The following ESR1 variants were observed in gnomAD, a reference collection of about 807,000 sequenced individuals.
ESR1 encodes the protein estrogen receptor 1.
ESR1 carries 12 observed loss-of-function variants against 52.7 expected under a neutral mutation model. The ratio of observed to expected loss-of-function variants is 0.23; its 90% CI spans 0.15 to 0.37. The LOEUF (loss-of-function observed/expected upper bound fraction) is 0.37. Among genes scored for constraint, ESR1 ranks in the 10% least tolerant of loss-of-function variants. The pLI is 1.00. For synonymous variants in ESR1, 305 were observed against 316.8 expected (o/e 0.96, Z 0.39); for missense variants, 584 against 779.7 (o/e 0.75, Z 2.99).
chr6:151,999,354 C>T (rs1256386493), intron 4 of ESR1, among the ~76,000 whole-genome samples: 1 of 152,018 alleles, frequency 6.6e-6, no homozygotes, highest in African/African-American at 2.4e-5. Flanking sequence ...ATATTAATGA[C>T]TTCCTTTAAT....
At chr6:152,105,426 AT>A (rs10717810), downstream of ESR1, among the ~76,000 whole-genome samples, 59,509 of 138,038 alleles carry the variant, frequency 0.43, 12,102 homozygotes, top group African/African-American at 0.49. Flanking sequence ...TCCTCTGTTA[AT>A]TTTTTTTTTT....
At chr6:151,691,868 G>T (rs1778974494) in intron 1 of ESR1, among the ~76,000 whole-genome samples, 1 of 152,130 alleles carries the variant, frequency 6.6e-6, no homozygotes, top group Non-Finnish European at 1.5e-5. Context: ...CTTTGATTTT[G>T]TTAATATCCT....
At position 151,971,625 on chromosome 6, in the gene ESR1, A is replaced by G. The variant is rs9340926; in HGVS notation, c.1096+27117A>G. ...TGAGCTGAATGATAATAGCGATACA[A>G]CTTACCAAAACCTCTGGGATACAGC... On this transcript the variant is annotated intron_variant, in intron 4 of 7. Transcript: ENST00000206249. 6.6e-5 allele frequency among the ~76,000 whole-genome samples: 10 copies of G among 152,308 alleles called. No homozygotes were observed. In the East Asian group the frequency reaches 1.9e-3, roughly 29 times the overall value.
intron 2 of ESR1, among the ~76,000 whole-genome samples, chr6:151,793,103 G>A (rs868302289): frequency 1.3e-5 from 2 of 151,808 alleles, no homozygotes; most frequent in South Asian, 2.1e-4. Context: ...CCCAGGAGGC[G>A]GAGCTTGCAG....
At chr6:151,673,754 C>A (rs138640158) in intron 1 of ESR1, among the ~76,000 whole-genome samples, 55 of 152,100 alleles carry the variant, frequency 3.6e-4, no homozygotes, top group African/African-American at 1.3e-3. Context: ...TGGTAGCGTG[C>A]AAATGTATTG....
chr6:151,754,976 CT>C (rs2128085086), intron 2 of ESR1, among the ~76,000 whole-genome samples: 1 of 152,290 alleles, frequency 6.6e-6, no homozygotes, highest in South Asian at 2.1e-4. Context: ...CTTTAGGAGG[CT>C]GAGGTGGGCA....
In ESR1 at chr6:152,082,452, G is replaced by A. The variant is rs1562766238; in HGVS notation, c.1370-11933G>A. On this transcript the variant is annotated intron_variant, in intron 6 of 7. Transcript: ENST00000206249. The stretch of plus-strand genomic sequence containing the variant: ...AACTCTAAATAAATTAGGTATTGAT[G>A]GAACGTACCTCAAAATAATAAGAGC... 2.0e-5 allele frequency among the ~76,000 whole-genome samples: 3 copies of A among 152,254 alleles called. No homozygotes were observed. The South Asian group carries it at 6.2e-4, about 32-fold the overall frequency.
chr6:151,874,426 G>A (rs1791476498), intron 2 of ESR1, among the ~76,000 whole-genome samples: 1 of 152,176 alleles, frequency 6.6e-6, no homozygotes, highest in Non-Finnish European at 1.5e-5. Context: ...GCCAATTCAA[G>A]ATGGAAATAG....
chr6:151,704,997 A>C (rs1249914836), intron 2 of ESR1, among the ~76,000 whole-genome samples: 1 of 151,484 alleles, frequency 6.6e-6, no homozygotes, highest in Non-Finnish European at 1.5e-5. Flanking sequence ...GCAGTATAAA[A>C]AGGAAGGATC....
chr6:151,846,250 T>C (rs1160207162), intron 2 of ESR1, among the ~76,000 whole-genome samples: 1 of 152,228 alleles, frequency 6.6e-6, no homozygotes, highest in Non-Finnish European at 1.5e-5. Context: ...CAAAGACATT[T>C]CTGGGCCATG....
At chr6:152,113,839 C>T (rs1398763887) in intron 6 of ESR1, among the ~76,000 whole-genome samples, 1 of 151,990 alleles carries the variant, frequency 6.6e-6, no homozygotes, top group Admixed American at 6.6e-5. Context: ...CATTATTATC[C>T]CATTTTACAG....
At chr6:151,852,239 G>C (rs1786895265) in intron 2 of ESR1, among the ~76,000 whole-genome samples, 1 of 152,138 alleles carries the variant, frequency 6.6e-6, no homozygotes. Context: ...AACAGAATCA[G>C]CTCTCTGCGG....
intron 5 of ESR1, among the ~76,000 whole-genome samples, chr6:152,037,383 A>G (rs1161621125): frequency 6.6e-6 from 1 of 152,226 alleles, no homozygotes; most frequent in Non-Finnish European, 1.5e-5. Flanking sequence ...TGAAAATGCA[A>G]GTACAAATGC....
At chr6:151,905,169 A>G (rs984904387) in intron 3 of ESR1, among the ~76,000 whole-genome samples, 70 of 152,220 alleles carry the variant, frequency 4.6e-4, no homozygotes, top group African/African-American at 1.6e-3. Flanking sequence ...CTCAAACAGC[A>G]GAAGGCAGAG....
Position 152,011,797 on chromosome 6 carries a change from A to G in ESR1, c.1235+3A>G, listed in dbSNP as rs2128779475. On this transcript the variant is annotated splice_donor_region_variant and intron_variant, in intron 5 of 7. Coordinates refer to ENST00000206249, the MANE Select transcript of ESR1 (RefSeq NM_000125.4). Reference sequence around the variant, plus strand: ...GCTCCTAACTTGCTCTTGGACAGGTAAGTGACCTGGCTGTAGCTTAGGAGT... The same window carrying G: ...GCTCCTAACTTGCTCTTGGACAGGTGAGTGACCTGGCTGTAGCTTAGGAGT... The G allele has an allele frequency of 6.2e-7, 1 of 1,612,762 alleles. No homozygotes were observed. The highest frequency in any genetic ancestry group is 8.5e-7 in the Non-Finnish European group (1 of 1,179,320).
At chr6:151,988,190 T>C (rs530318097) in intron 4 of ESR1, among the ~76,000 whole-genome samples, 2 of 152,210 alleles carry the variant, frequency 1.3e-5, no homozygotes, top group East Asian at 3.9e-4. Flanking sequence ...CAACTTACCA[T>C]AACATAGAAT....
In ESR1 at chr6:151,944,318, G is replaced by C. The variant is rs2128527767; in HGVS notation, c.906G>C (p.Lys302Asn). 3 of 1,614,048 alleles carry C rather than the reference G, an allele frequency of 1.9e-6. No individual in the cohort carries two copies. The highest frequency in any genetic ancestry group is 2.2e-5 in the South Asian group (2 of 91,078). The change falls in exon 4 of 8, where the codon AAG becomes AAC. Residue 302 changes from lysine (K) to asparagine (N), a missense_variant. Physicochemically the swap from Lys to Asn is moderately conservative, Grantham distance 94. Coordinates refer to ENST00000206249, the MANE Select transcript of ESR1 (RefSeq NM_000125.4). ...GCCCGCTCATGATCAAACGCTCTAA[G>C]AAGAACAGCCTGGCCTTGTCCCTGA... The part of the protein sequence containing the change: ...WPSPLMIKRS[K>N]KNSLALSLTA...
chr6:151,863,450 G>A (rs1364251528), intron 2 of ESR1, among the ~76,000 whole-genome samples: 6 of 152,082 alleles, frequency 3.9e-5, no homozygotes, highest in Admixed American at 3.9e-4. Flanking sequence ...CTGTTTGTCT[G>A]TTATTGGTGT....
At chr6:152,051,880 A>G (rs915630010) in intron 5 of ESR1, among the ~76,000 whole-genome samples, 3 of 152,190 alleles carry the variant, frequency 2.0e-5, no homozygotes, top group Non-Finnish European at 2.9e-5. Flanking sequence ...GCTCCTTTTG[A>G]GAAAGACACA....
Sources: allele counts gnomAD v4.1 joint callset (sites outside exome capture counted in the v4.1 genomes callset), GRCh38; gene constraint gnomAD v4.1.1; transcripts MANE v1.5; gene names NCBI Gene and HGNC (gene_info 2026-07-23, HGNC 2026-07-21).